JPH3: variants seen among roughly 807,000 people sequenced by gnomAD.
JPH3 encodes junctophilin-3.
Under a neutral mutation model 59.6 loss-of-function variants are expected in JPH3, and 11 were observed. The ratio of observed to expected loss-of-function variants is 0.18; its 90% CI spans 0.12 to 0.31. JPH3 has a LOEUF of 0.31. Among genes scored for constraint, JPH3 ranks in the 10% least tolerant of loss-of-function variants. The probability of loss-of-function intolerance (pLI) is 1.00; values close to 1 mark genes in which losing one functional copy is unlikely to be tolerated. For synonymous variants in JPH3, 673 were observed against 483.6 expected, an observed-to-expected ratio of 1.39 and a Z score of -5.14; for missense variants, 1,202 against 1,105.7, an observed-to-expected ratio of 1.09 and a Z score of -1.24.
intron 2 of JPH3, among the ~76,000 whole-genome samples, chr16:87,674,448 G>A (rs960128534): frequency 3.3e-5 from 5 of 152,254 alleles, no homozygotes. Context: ...TCCTGTGACG[G>A]AGTCTTGTGC....
chr16:87,679,903 A>T (rs1389616024), intron 2 of JPH3, among the ~76,000 whole-genome samples: 1 of 152,238 alleles, frequency 6.6e-6, no homozygotes, highest in Admixed American at 6.5e-5. Context: ...TGTGTGGGCC[A>T]GCTTTCAGCA....
rs1209732815 is a variant in JPH3 at position 87,697,735 on chromosome 16, G to A, written c.*1075G>A. The A allele has an allele frequency of 6.6e-6, 1 of 152,258 alleles. No homozygotes were observed. The highest frequency in any genetic ancestry group is 2.1e-4 in the South Asian group (1 of 4,836). 9.4% of individuals were successfully genotyped at this position (152,258 alleles called of 1,614,324 possible). ...GAATGCGGTTCAAACCCAGTGGCTT[G>A]AAACTTCCTGAGAAACTGTAGCATA... On this transcript the variant is annotated 3_prime_UTR_variant, in exon 5 of 5. Coordinates refer to ENST00000284262, the MANE Select transcript of JPH3 (RefSeq NM_020655.4).
chr16:87,613,222 G>A (rs1403302299), intron 1 of JPH3, among the ~76,000 whole-genome samples: 1 of 149,204 alleles, frequency 6.7e-6, no homozygotes, highest in Non-Finnish European at 1.5e-5. Flanking sequence ...TCAGCCTCCC[G>A]AGTAGCTGGG....
chr16:87,618,956 G>T (rs1021936734), intron 1 of JPH3, among the ~76,000 whole-genome samples: 3 of 152,064 alleles, frequency 2.0e-5, no homozygotes, highest in African/African-American at 7.2e-5. Flanking sequence ...GGGCGTGATG[G>T]CAGGCGCCTG....
intron 1 of JPH3, among the ~76,000 whole-genome samples, chr16:87,614,873 C>T (rs8059850): frequency 8.9e-5 from 10 of 111,850 alleles, no homozygotes; most frequent in East Asian, 2.7e-4. Flanking sequence ...CCTGCACACA[C>T]GAGGAGCCGC....
chr16:87,646,058 C>A (rs933730585), intron 2 of JPH3, among the ~76,000 whole-genome samples: 1 of 152,182 alleles, frequency 6.6e-6, no homozygotes, highest in African/African-American at 2.4e-5. Context: ...GCGGGGGAGT[C>A]CATGGGCTGC....
intron 1 of JPH3, among the ~76,000 whole-genome samples, chr16:87,621,591 A>G (rs1373458626): frequency 6.6e-6 from 1 of 152,156 alleles, no homozygotes; most frequent in Non-Finnish European, 1.5e-5. Context: ...GCCAGGAGCA[A>G]TTGCTGTGCA....
chr16:87,652,372 T>C (rs1007487305), intron 2 of JPH3, among the ~76,000 whole-genome samples: 2 of 152,276 alleles, frequency 1.3e-5, no homozygotes, highest in African/African-American at 4.8e-5. Flanking sequence ...TTGTTCACAT[T>C]TTTTAGCAAC....
chr16:87,634,221 G>T (rs907945414), intron 1 of JPH3, among the ~76,000 whole-genome samples: 1 of 152,148 alleles, frequency 6.6e-6, no homozygotes, highest in Non-Finnish European at 1.5e-5. Context: ...CCCAGGGTCT[G>T]GTCCCTGATC....
At chr16:87,604,854 G>A (rs973678376) in intron 1 of JPH3, 1 of 392,584 alleles carries the variant, frequency 2.5e-6, no homozygotes, top group Non-Finnish European at 5.0e-6. Flanking sequence ...GCCCAGCCCC[G>A]GTCTCAGGCG....
intron 2 of JPH3, among the ~76,000 whole-genome samples, chr16:87,679,291 A>G (rs2033227296): frequency 1.3e-5 from 1 of 77,982 alleles, no homozygotes. Context: ...CTGAGGGAAG[A>G]CTCGGTCTAA....
In JPH3 at chr16:87,644,908, G is replaced by A. The variant is rs144550250; in HGVS notation, c.1033G>A (p.Gly345Ser). 3,167 of 1,612,950 alleles carry A rather than the reference G, an allele frequency of 2.0e-3. 7 individuals carry two copies. Among genetic ancestry groups the A allele is most frequent in the Non-Finnish European group, 2.4e-3 (2,846 of 1,179,918 alleles). Reference sequence around the variant, plus strand: ...CAAGTACAAGCAGAACATCCTCGTCGGCGGCAAGCGCAAGAACCTCATCCC... The same window carrying A: ...CAAGTACAAGCAGAACATCCTCGTCAGCGGCAAGCGCAAGAACCTCATCCC... ...EGKYKQNILV[G>S]GKRKNLIPLR... The change falls in exon 2 of 5, where the codon GGC becomes AGC. Residue 345 changes from glycine (G) to serine (S), a missense_variant. Gly to Ser is a moderately conservative substitution (Grantham distance 56, BLOSUM62 0). Coordinates refer to ENST00000284262, the MANE Select transcript of JPH3 (RefSeq NM_020655.4).
At chr16:87,614,956 T>A (rs1398430570) in intron 1 of JPH3, among the ~76,000 whole-genome samples, 1 of 67,894 alleles carries the variant, frequency 1.5e-5, no homozygotes. Flanking sequence ...GGATAAACGC[T>A]GGTCCCTGCA....
intron 3 of JPH3, among the ~76,000 whole-genome samples, chr16:87,686,483 C>T (rs1249854820): frequency 1.5e-5 from 2 of 133,440 alleles, no homozygotes; most frequent in Admixed American, 1.4e-4. Flanking sequence ...GTCAGAGATG[C>T]TTCCTGGAGG....
intron 2 of JPH3, among the ~76,000 whole-genome samples, chr16:87,673,924 T>C (rs1049308869): frequency 1.3e-5 from 2 of 150,740 alleles, no homozygotes; most frequent in African/African-American, 4.9e-5. Flanking sequence ...AGACTCTGTC[T>C]CAAAAAAATA....
intron 2 of JPH3, among the ~76,000 whole-genome samples, chr16:87,670,701 G>A (rs1361191024): frequency 2.0e-5 from 3 of 152,248 alleles, no homozygotes; most frequent in Admixed American, 6.5e-5. Flanking sequence ...GACAGCACTG[G>A]TGAAAAACCA....
At chr16:87,674,834 C>T (rs1479010728) in intron 2 of JPH3, among the ~76,000 whole-genome samples, 5 of 152,140 alleles carry the variant, frequency 3.3e-5, no homozygotes, top group Non-Finnish European at 5.9e-5. Context: ...GATCTTGTCT[C>T]GCTGCAACCT....
chr16:87,605,477 G>A (rs115974025), intron 1 of JPH3, among the ~76,000 whole-genome samples: 2,652 of 152,296 alleles, frequency 0.017, 70 homozygotes, highest in African/African-American at 0.059. Flanking sequence ...TTGCCCTCAC[G>A]GAGCTTACAT....
intron 1 of JPH3, among the ~76,000 whole-genome samples, chr16:87,627,746 T>A (rs112052669): frequency 6.6e-6 from 1 of 152,172 alleles, no homozygotes; most frequent in Non-Finnish European, 1.5e-5. Flanking sequence ...GCTAGGAAGC[T>A]AACAGCCAGG....
Sources: allele counts gnomAD v4.1 joint callset (sites outside exome capture counted in the v4.1 genomes callset), GRCh38; gene constraint gnomAD v4.1.1; transcripts MANE v1.5; gene names NCBI Gene and HGNC (gene_info 2026-07-23, HGNC 2026-07-21).